The following TPTE2 variants were observed in gnomAD, a reference collection of about 807,000 sequenced individuals.
TPTE2 encodes transmembrane phosphoinositide 3-phosphatase and tensin homolog 2, also known as phosphatidylinositol 3,4,5-trisphosphate 3-phosphatase TPTE2.
In TPTE2, 53 loss-of-function variants were observed where a neutral mutation model predicts 78.6. The observed-to-expected ratio is 0.67, with a 90% CI of 0.54 to 0.85. TPTE2 has a LOEUF of 0.85. TPTE2 is among the 40% of genes least tolerant of loss of function. TPTE2 has a pLI of 0.00. For missense variants in TPTE2, 461 were observed against 623.0 expected, an observed-to-expected ratio of 0.74 and a Z score of 2.77; for synonymous variants, 175 against 206.2, an observed-to-expected ratio of 0.85 and a Z score of 1.30.
Position 19,483,761 on chromosome 13 carries a change from G to T in TPTE2, c.120-1214C>A, listed in dbSNP as rs139539060. Among the ~76,000 whole-genome samples the T allele has an allele frequency of 5.3e-3, 799 of 152,038 alleles. 5 individuals carry two copies. Among genetic ancestry groups the T allele is most frequent in the Middle Eastern group, 0.027 (8 of 294 alleles). ...AAGTTTTCTAGATTTTTTGATCCAG[G>T]CATTTATTGCTAAAAACATACTTCT... is the stretch of plus-strand genomic sequence containing the variant. On this transcript the variant is annotated intron_variant, in intron 3 of 19. Transcript: ENST00000400230.
At chr13:19,425,167 C>T (rs1481815120) in intron 18 of TPTE2, 150 bp from the exon 22 acceptor site, 2 of 470,528 alleles carry the variant, frequency 4.3e-6, no homozygotes, top group Non-Finnish European at 7.4e-6. Flanking sequence ...ACAATACACT[C>T]AAGACACAAA....
intron 10 of TPTE2, among the ~76,000 whole-genome samples, chr13:19,458,959 T>C (rs569206225): frequency 6.6e-6 from 1 of 152,278 alleles, no homozygotes; most frequent in East Asian, 1.9e-4. Context: ...CTGGGTCTGA[T>C]GGTATTTCTG....
At chr13:19,554,051 T>C in the TPTE2 span, among the ~76,000 whole-genome samples, 1 of 152,216 alleles carries the variant, frequency 6.6e-6, no homozygotes, top group Non-Finnish European at 1.5e-5. Flanking sequence ...TGATCTTTCT[T>C]ATTTTTTCTG....
intron 1 of TPTE2, among the ~76,000 whole-genome samples, chr13:19,531,530 T>C (rs769880427): frequency 6.6e-6 from 1 of 152,064 alleles, no homozygotes; most frequent in Non-Finnish European, 1.5e-5. Flanking sequence ...AAGAAAATAG[T>C]ATTTTTCTAA....
chr13:19,469,339 G>C (rs549771719), intron 6 of TPTE2, among the ~76,000 whole-genome samples: 9 of 152,270 alleles, frequency 5.9e-5, no homozygotes, highest in Admixed American at 5.2e-4. Context: ...CTGTAAGTGT[G>C]TGTGGATTTG....
chr13:19,545,196 C>A, the TPTE2 span, among the ~76,000 whole-genome samples: 98,686 of 151,670 alleles, frequency 0.65, 34,616 homozygotes, highest in East Asian at 0.88. Context: ...TACTAAAACT[C>A]TCTGTAAAAG....
intron 15 of TPTE2, among the ~76,000 whole-genome samples, chr13:19,434,322 TG>T (rs959692043): frequency 9.3e-4 from 141 of 152,258 alleles, no homozygotes; most frequent in African/African-American, 3.2e-3. Flanking sequence ...GCATGAGCAA[TG>T]GCATGAGGGT....
intron 1 of TPTE2, among the ~76,000 whole-genome samples, chr13:19,531,904 G>A (rs547583704): frequency 2.6e-5 from 4 of 152,282 alleles, no homozygotes; most frequent in African/African-American, 9.6e-5. Flanking sequence ...TCCAGCCTTG[G>A]TGACAGAGCA....
chr13:19,492,716 G>C, intron 3 of TPTE2, 134 bp downstream of exon 6: 1 of 1,286,516 alleles, frequency 7.8e-7, no homozygotes, highest in Non-Finnish European at 1.1e-6. Context: ...TTGTGCATGG[G>C]TTTGTTTGTG....
chr13:19,431,748 C>T (rs1316896422), intron 16 of TPTE2, among the ~76,000 whole-genome samples: 2 of 140,650 alleles, frequency 1.4e-5, no homozygotes, highest in African/African-American at 5.2e-5. Context: ...GCTAAAAATA[C>T]TAGGCTGTCT....
chr13:19,451,012 A>C (rs1878141457), intron 11 of TPTE2, among the ~76,000 whole-genome samples, 153 bp downstream of exon 14: 1 of 152,138 alleles, frequency 6.6e-6, no homozygotes, highest in Non-Finnish European at 1.5e-5. Context: ...CCCTCTACTA[A>C]ATGGGGCCAG....
chr13:19,434,522 T>C (rs1268338199), intron 15 of TPTE2, among the ~76,000 whole-genome samples: 1 of 152,226 alleles, frequency 6.6e-6, no homozygotes, highest in Non-Finnish European at 1.5e-5. Context: ...GGAAATGGCA[T>C]GTTTAGGGCT....
At chr13:19,456,064 A>T (rs1878520515) in intron 10 of TPTE2, among the ~76,000 whole-genome samples, 1 of 152,350 alleles carries the variant, frequency 6.6e-6, no homozygotes, top group South Asian at 2.1e-4. Flanking sequence ...AAAAAAGTAT[A>T]AAAAGTGGGA....
chr13:19,522,663 C>A (rs1870236344), intron 1 of TPTE2, among the ~76,000 whole-genome samples: 1 of 149,236 alleles, frequency 6.7e-6, no homozygotes, highest in African/African-American at 2.5e-5. Context: ...CGCTACATCA[C>A]CCAGGCTGAA....
intron 10 of TPTE2, among the ~76,000 whole-genome samples, chr13:19,462,790 C>T (rs1396427189): frequency 6.7e-6 from 1 of 149,856 alleles, no homozygotes; most frequent in African/African-American, 2.5e-5. Context: ...AGTGATCCAC[C>T]CTCCTCAGCC....
intron 1 of TPTE2, among the ~76,000 whole-genome samples, chr13:19,520,440 TTTG>T (rs1169474604): frequency 3.9e-5 from 6 of 152,074 alleles, no homozygotes; most frequent in South Asian, 2.1e-4. Context: ...GTTTAGGTTT[TTTG>T]TTGTTGTTGT....
the TPTE2 span, among the ~76,000 whole-genome samples, chr13:19,549,926 CATTT>C: frequency 1.1e-5 from 1 of 93,334 alleles, no homozygotes; most frequent in Non-Finnish European, 2.7e-5. Context: ...CTGCATTCCT[CATTT>C]ATAAGTGGGA....
At chr13:19,504,486 T>G (rs1868858255), upstream of TPTE2, among the ~76,000 whole-genome samples, 1 of 151,970 alleles carries the variant, frequency 6.6e-6, no homozygotes, top group Non-Finnish European at 1.5e-5. Context: ...CCAGGGCCAT[T>G]AGCTCTGTTT....
At chr13:19,457,180 G>A (rs1878588692) in intron 10 of TPTE2, among the ~76,000 whole-genome samples, 5 of 152,150 alleles carry the variant, frequency 3.3e-5, no homozygotes, top group Admixed American at 1.3e-4. Flanking sequence ...GTCAGTCATA[G>A]ACCAATATAT....
Sources: allele counts gnomAD v4.1 joint callset (sites outside exome capture counted in the v4.1 genomes callset), GRCh38; gene constraint gnomAD v4.1.1; transcripts MANE v1.5; gene names NCBI Gene and HGNC (gene_info 2026-07-23, HGNC 2026-07-21).